Variants in PKD2L1 observed in about 807,000 individuals in gnomAD.
The protein encoded by PKD2L1 is polycystin 2 like 1, transient receptor potential cation channel, also known as polycystin-2-like protein 1.
In PKD2L1, 77 loss-of-function variants were observed where a neutral mutation model predicts 93.0. The observed-to-expected ratio is 0.83, with a 90% CI of 0.69 to 1.00. PKD2L1 has a LOEUF of 1.00. PKD2L1 is among the 50% of genes least tolerant of loss of function. The pLI is 0.00. For missense variants in PKD2L1, 977 were observed against 990.9 expected (o/e 0.99, Z 0.19); for synonymous variants, 390 against 388.0 (o/e 1.01, Z -0.06).
At position 100,321,502 on chromosome 10, in the gene PKD2L1, C is replaced by T. The variant is rs527341624; in HGVS notation, c.349+7709G>A. Among the ~76,000 whole-genome samples, 6 of 146,750 alleles carry T rather than the reference C, an allele frequency of 4.1e-5. 1 individual carries two copies. The highest frequency in any genetic ancestry group is 2.5e-5 in the African/African-American group (1 of 39,598). On this transcript the variant is annotated intron_variant, in intron 2 of 15. Transcript: ENST00000318222. ...AAAGAAAAGAAAATATAGCAACACC[C>T]CATCTCTACAAAAAATTTAACATTA...
At position 100,294,927 on chromosome 10, in the gene PKD2L1, G is replaced by T; in HGVS notation, c.1538+15C>A. 6.2e-7 allele frequency: 1 copy of T among 1,605,842 alleles called. No homozygotes were observed. The highest frequency in any genetic ancestry group is 8.5e-7 in the Non-Finnish European group (1 of 1,175,290). ...GTGAGGGGCCAGGGAGGAGTGAAGG[G>T]GACAGGACACACACATGCACTTGAT... On this transcript the variant is annotated intron_variant, in intron 8 of 15. Coordinates refer to ENST00000318222, the MANE Select transcript of PKD2L1 (RefSeq NM_016112.3).
In PKD2L1 at chr10:100,294,942, A is replaced by G. The variant is rs756469537; in HGVS notation, c.1538T>C (p.Ile513Thr). Reference sequence around the variant, plus strand: ...GGAGTGAAGGGGACAGGACACACACATGCACTTGATGAAAGTGCTAAAGTT... The same window carrying G: ...GGAGTGAAGGGGACAGGACACACACGTGCACTTGATGAAAGTGCTAAAGTT... ...VENFSTFIKC[I>T]FTQFRIILGD... The change falls in exon 8 of 16, where the codon ATT becomes ACT. Residue 513 changes from isoleucine (I) to threonine (T), a missense_variant and splice_region_variant. By Grantham distance (89) the Ile-to-Thr change is moderately conservative. Coordinates refer to ENST00000318222, the MANE Select transcript of PKD2L1 (RefSeq NM_016112.3). 1.9e-6 allele frequency: 3 copies of G among 1,611,270 alleles called. No individual in the cohort carries two copies. The South Asian group carries it at 3.3e-5, about 18-fold the overall frequency.
intron 2 of PKD2L1, among the ~76,000 whole-genome samples, chr10:100,309,296 CT>C (rs1848877564): frequency 6.6e-6 from 1 of 152,078 alleles, no homozygotes; most frequent in Non-Finnish European, 1.5e-5. Flanking sequence ...GAAAAACTGA[CT>C]TTTTAAAAAC....
Position 100,329,925 on chromosome 10 carries a change from G to T in PKD2L1, c.179C>A (p.Thr60Lys), listed in dbSNP as rs147847687. ...PKKPEDEPQETAYRTQVSSCC... is the reference protein window; with the variant it reads ...PKKPEDEPQEKAYRTQVSSCC... ...GCTGGACACCTGGGTCCTGTATGCC[G>T]TCTCCTGGGGTTCATCTTCAGGCTT... The change falls in exon 1 of 16, where the codon ACG (threonine) becomes AAG (lysine). Residue 60 changes from threonine to lysine, a missense_variant. Physicochemically the swap from Thr to Lys is moderately conservative, Grantham distance 78. Coordinates refer to ENST00000318222, the MANE Select transcript of PKD2L1 (RefSeq NM_016112.3). 2.5e-6 allele frequency: 4 copies of T among 1,613,814 alleles called. No homozygotes were observed. In the African/African-American group the frequency reaches 5.3e-5, roughly 22 times the overall value.
chr10:100,291,549 A>T, intron 11 of PKD2L1, 122 bp from the exon 12 acceptor site: 1 of 926,514 alleles, frequency 1.1e-6, no homozygotes, highest in South Asian at 1.7e-5. Flanking sequence ...AAGGTTCTCC[A>T]AAGTCTAGCA....
At chr10:100,328,281 T>C (rs1007229751) in intron 2 of PKD2L1, among the ~76,000 whole-genome samples, 1 of 152,192 alleles carries the variant, frequency 6.6e-6, no homozygotes, top group Non-Finnish European at 1.5e-5. Context: ...CGCCCTCCTA[T>C]CTTTTCACTT....
intron 2 of PKD2L1, among the ~76,000 whole-genome samples, chr10:100,309,009 A>G (rs904586927): frequency 6.6e-6 from 1 of 152,244 alleles, no homozygotes; most frequent in African/African-American, 2.4e-5. Context: ...AATCTGTATC[A>G]GGAACCATAT....
At position 100,288,964 on chromosome 10, in the gene PKD2L1, T is replaced by A; in HGVS notation, c.2335+8A>T. The A allele has an allele frequency of 6.3e-7, 1 of 1,582,226 alleles. No homozygotes were observed. Among genetic ancestry groups the A allele is most frequent in the Non-Finnish European group, 8.6e-7 (1 of 1,160,148 alleles). ...CTGCTGTCTGATGCTTTAGGCCCCC[T>A]TCCTCACCACTCTCCTGCCCACCCT... On this transcript the variant is annotated splice_region_variant and intron_variant, in intron 15 of 15. Coordinates refer to ENST00000318222, the MANE Select transcript of PKD2L1 (RefSeq NM_016112.3).
At chr10:100,312,699 C>T (rs1848961428) in intron 2 of PKD2L1, among the ~76,000 whole-genome samples, 1 of 152,038 alleles carries the variant, frequency 6.6e-6, no homozygotes, top group Non-Finnish European at 1.5e-5. Context: ...CCAGGGAGAG[C>T]AAAGCAATTG....
chr10:100,290,508 G>A lies in PKD2L1; in HGVS notation c.2019C>T (p.Asn673=). The A allele has an allele frequency of 1.2e-6, 2 of 1,610,938 alleles. No homozygotes were observed. Among genetic ancestry groups the A allele is most frequent in the Non-Finnish European group, 1.7e-6 (2 of 1,178,168 alleles). ...QDLEEERVAL[N]TEIEKLGRSI... Reference sequence around the variant, plus strand: ...ATCGGCCTAGTTTCTCAATCTCAGTGTTGAGGGCCACCTGCTCAGGAAGTC... The same window carrying A: ...ATCGGCCTAGTTTCTCAATCTCAGTATTGAGGGCCACCTGCTCAGGAAGTC... The change falls in exon 13 of 16, where the codon AAC becomes AAT. Residue 673 remains asparagine, a synonymous_variant. Transcript: ENST00000318222.
intron 12 of PKD2L1, 25 bp from the exon 13 acceptor site, chr10:100,290,544 G>T: frequency 1.4e-6 from 2 of 1,471,544 alleles, no homozygotes; most frequent in South Asian, 1.1e-5. Context: ...AGAGGTTAGA[G>T]GGGAGGAGAT....
chr10:100,311,156 C>T lies in PKD2L1; in HGVS notation c.350-11438G>A, dbSNP rs573931273. The stretch of plus-strand genomic sequence containing the variant: ...TATTAACTGGTGTGCTTTTTTCTTG[C>T]TCAGCAATGAGAACTATGAAACCTA... On this transcript the variant is annotated intron_variant, in intron 2 of 15. Transcript: ENST00000318222. Among the ~76,000 whole-genome samples the T allele has an allele frequency of 3.3e-5, 5 of 152,342 alleles. No individual in the cohort carries two copies. In the South Asian group the frequency reaches 6.2e-4, roughly 19 times the overall value.
intron 10 of PKD2L1, 74 bp downstream of exon 10, chr10:100,293,207 G>C: frequency 6.6e-7 from 1 of 1,526,410 alleles, no homozygotes; most frequent in African/African-American, 1.4e-5. Context: ...AATCAGTCAG[G>C]AACAGACCAG....
intron 2 of PKD2L1, among the ~76,000 whole-genome samples, chr10:100,300,899 G>A (rs1347150335): frequency 3.3e-5 from 5 of 151,976 alleles, no homozygotes; most frequent in African/African-American, 4.8e-5. Flanking sequence ...GCAATGGCAC[G>A]ATCTTGGCTC....
intron 15 of PKD2L1, 139 bp from the exon 16 acceptor site, chr10:100,288,617 A>G: frequency 3.1e-6 from 2 of 636,678 alleles, no homozygotes; most frequent in South Asian, 1.9e-5. Flanking sequence ...TTCACAGACC[A>G]TGGCTATCCA....
chr10:100,324,893 A>C (rs1012071237), intron 2 of PKD2L1, among the ~76,000 whole-genome samples: 3 of 152,218 alleles, frequency 2.0e-5, no homozygotes. Context: ...GCACAGCTGC[A>C]TGTCCAACTG....
chr10:100,298,754 A>G lies in PKD2L1; in HGVS notation c.539T>C (p.Leu180Pro). Residue 180 changes from leucine (L) to proline (P), a missense_variant, in exon 4 of 16, where the codon CTG becomes CCG. Physicochemically the swap from Leu to Pro is moderately conservative, Grantham distance 98. Coordinates refer to ENST00000318222, the MANE Select transcript of PKD2L1 (RefSeq NM_016112.3). ...YWTKWYNNQS[L>P]GHGSHSFIYY... The stretch of plus-strand genomic sequence containing the variant: ...GATGAAGGAGTGGGAGCCATGGCCC[A>G]GGCTCTGGTTGTTGTACCATTTGGT... 1 of 1,613,926 alleles carries G rather than the reference A, an allele frequency of 6.2e-7. No individual in the cohort carries two copies. The highest frequency in any genetic ancestry group is 2.2e-5 in the East Asian group (1 of 44,866).
At chr10:100,294,504 C>G (rs771311907) in intron 9 of PKD2L1, 31 bp downstream of exon 9, 2 of 1,613,718 alleles carry the variant, frequency 1.2e-6, no homozygotes, top group Non-Finnish European at 1.7e-6. Context: ...TGCAGGCTCT[C>G]TATGTCCCCA....
rs1564878465 is a variant in PKD2L1 at position 100,290,094 on chromosome 10, ACTC to A, written c.2168_2170del (p.Gly723del). 1 of 1,613,528 alleles carries A rather than the reference ACTC, an allele frequency of 6.2e-7. No homozygotes were observed. Among genetic ancestry groups the A allele is most frequent in the Admixed American group, 1.7e-5 (1 of 59,974 alleles). On this transcript the variant is annotated inframe_deletion, in exon 14 of 16. Coordinates refer to ENST00000318222, the MANE Select transcript of PKD2L1 (RefSeq NM_016112.3). ...GCCTACAGCATCAATCTGGGACACT[ACTC>A]CTTCCAGGACAGTCTCCAGCTGCAG...
Sources: allele counts gnomAD v4.1 joint callset (sites outside exome capture counted in the v4.1 genomes callset), GRCh38; gene constraint gnomAD v4.1.1; transcripts MANE v1.5; gene names NCBI Gene and HGNC (gene_info 2026-07-23, HGNC 2026-07-21).